THAP5: variants seen among roughly 807,000 people sequenced by gnomAD.
THAP5 encodes THAP domain-containing protein 5.
In THAP5, 26 loss-of-function variants were observed where a neutral mutation model predicts 34.0. The ratio of observed to expected loss-of-function variants is 0.77; its 90% CI spans 0.56 to 1.06. The LOEUF (loss-of-function observed/expected upper bound fraction) is 1.06, where lower values mean the gene tolerates loss of function less well. Ranked by LOEUF, THAP5 falls within the 50% of genes least tolerant of loss-of-function variation. THAP5 has a pLI of 0.00. For synonymous variants in THAP5, 125 were observed against 153.0 expected (o/e 0.82, Z 1.35); for missense variants, 394 against 452.8 (o/e 0.87, Z 1.18).
In THAP5 at chr7:108,565,097, G is replaced by A; in HGVS notation, c.282C>T (p.Asp94=). 6.7e-7 allele frequency: 1 copy of A among 1,502,818 alleles called. No homozygotes were observed. The allele number at this position is 1,502,818 out of a possible 1,614,324, so 93.1% of individuals were successfully genotyped here. Reference sequence around the variant, plus strand: ...TCTTCTGGGATTTTTTTTTAGAAGGGTCTTTTCCCTAGAAAATAATATTTT... The same window carrying A: ...TCTTCTGGGATTTTTTTTTAGAAGGATCTTTTCCCTAGAAAATAATATTTT... ...FSLPEDNQGK[D]PSKKKSQKKN... Residue 94 remains aspartate, a synonymous_variant, in exon 3 of 3, where the codon GAC becomes GAT. Transcript: ENST00000415914.
At position 108,565,099 on chromosome 7, in the gene THAP5, C is replaced by T; in HGVS notation, c.280G>A (p.Asp94Asn). 1 of 1,501,864 alleles carries T rather than the reference C, an allele frequency of 6.7e-7. No homozygotes were observed. The allele number at this position is 1,501,864 out of a possible 1,614,324, so 93.0% of individuals were successfully genotyped here. A position where few individuals can be genotyped will look rare whatever the true frequency, so the allele number is the denominator to read the frequency against. ...FSLPEDNQGK[D>N]PSKKKSQKKN... ...TTCTGGGATTTTTTTTTAGAAGGGT[C>T]TTTTCCCTAGAAAATAATATTTTCA... Residue 94 changes from aspartate (D) to asparagine (N), a missense_variant, in exon 3 of 3, where the codon GAC becomes AAC. Transcript: ENST00000415914.
chr7:108,558,772 T>C, downstream of THAP5, among the ~76,000 whole-genome samples: 1 of 152,300 alleles, frequency 6.6e-6, no homozygotes, highest in East Asian at 1.9e-4. Context: ...TATCTAAATG[T>C]GTGTTCATTG....
the THAP5 span, among the ~76,000 whole-genome samples, chr7:108,549,089 TACACACACACACACAC>T: frequency 3.7e-5 from 5 of 136,542 alleles, no homozygotes; most frequent in South Asian, 7.3e-4. Context: ...ACATGCTTAA[TACACACACACACACAC>T]ACACACACAC....
Position 108,569,621 on chromosome 7 carries a change from C to T in THAP5, c.-52G>A, listed in dbSNP as rs1270751335. 3.2e-6 allele frequency: 5 copies of T among 1,545,366 alleles called. No individual in the cohort carries two copies. The African/African-American group carries it at 4.1e-5, about 13-fold the overall frequency. ...GGGCCGGCGACGGATGCAGGGCGGCCCTCCTCACTGAGGATGCGCCACAGG... is the reference window on the plus strand; with the variant it reads ...GGGCCGGCGACGGATGCAGGGCGGCTCTCCTCACTGAGGATGCGCCACAGG... On this transcript the variant is annotated 5_prime_UTR_variant, in exon 1 of 3. Coordinates refer to ENST00000415914, the MANE Select transcript of THAP5 (RefSeq NM_001130475.3).
upstream of THAP5, chr7:108,569,749 C>G: frequency 1.3e-6 from 1 of 785,082 alleles, no homozygotes; most frequent in South Asian, 1.8e-5. Flanking sequence ...ACCGCCTTTT[C>G]GGGGGTTGAA....
the THAP5 span, among the ~76,000 whole-genome samples, chr7:108,548,958 C>T: frequency 1.3e-5 from 2 of 152,032 alleles, no homozygotes; most frequent in Admixed American, 6.6e-5. Context: ...GTTCTACAAG[C>T]CTTATTGCAA....
the THAP5 span, among the ~76,000 whole-genome samples, chr7:108,549,048 CT>C: frequency 6.6e-6 from 1 of 150,800 alleles, no homozygotes; most frequent in African/African-American, 2.4e-5. Flanking sequence ...ATTGCAGATT[CT>C]TTGTGTATTT....
At chr7:108,549,362 C>T in the THAP5 span, among the ~76,000 whole-genome samples, 17 of 152,244 alleles carry the variant, frequency 1.1e-4, no homozygotes, top group Admixed American at 3.9e-4. Flanking sequence ...CCTCATGATC[C>T]GCCCGCCTCG....
At position 108,565,924 on chromosome 7, in the gene THAP5, T is replaced by C; in HGVS notation, c.179A>G (p.His60Arg). 1 of 1,550,896 alleles carries C rather than the reference T, an allele frequency of 6.4e-7. No homozygotes were observed. The highest frequency in any genetic ancestry group is 8.7e-7 in the Non-Finnish European group (1 of 1,146,884). ...PSKYQFLCSD[H>R]FTPDSLDIRW... ...GATGTCAAGAGAGTCAGGAGTAAAA[T>C]GGTCACTACATAGAAACTGGTATTT... Residue 60 changes from histidine (H) to arginine (R), a missense_variant, in exon 2 of 3, where the codon CAT (histidine) becomes CGT (arginine). Physicochemically the swap from His to Arg is conservative, Grantham distance 29 (BLOSUM62 0). Transcript: ENST00000415914.
chr7:108,556,304 T>C (rs1432490008), intron 1 of THAP5, among the ~76,000 whole-genome samples: 1 of 152,176 alleles, frequency 6.6e-6, no homozygotes, highest in Admixed American at 6.5e-5. Flanking sequence ...CCCTAAGTCG[T>C]AACTCATTCC....
chr7:108,542,626 C>G, the THAP5 span, among the ~76,000 whole-genome samples: 1 of 152,134 alleles, frequency 6.6e-6, no homozygotes, highest in Admixed American at 6.5e-5. Context: ...CCACGCCCAG[C>G]TAATTTTTGT....
downstream of THAP5, among the ~76,000 whole-genome samples, chr7:108,551,368 T>C (rs1434905130): frequency 4.6e-5 from 7 of 152,204 alleles, no homozygotes; most frequent in South Asian, 1.4e-3. Flanking sequence ...CTTGCAAGAA[T>C]GTGTTCCCTC....
intron 2 of THAP5, 147 bp from the exon 3 acceptor site, chr7:108,565,252 A>G: frequency 1.7e-6 from 1 of 575,134 alleles, no homozygotes; most frequent in Non-Finnish European, 2.9e-6. Context: ...ACCTTAAAGT[A>G]TTTTCTAAAA....
chr7:108,543,170 G>T, the THAP5 span, among the ~76,000 whole-genome samples: 4 of 150,940 alleles, frequency 2.7e-5, no homozygotes, highest in Non-Finnish European at 5.9e-5. Context: ...CTCATGATCC[G>T]CCCGCCTCAG....
Position 108,569,562 on chromosome 7 carries a change from CG to C in THAP5, c.7del (p.Arg3AlafsTer21). 1.3e-6 allele frequency: 2 copies of C among 1,551,588 alleles called. No homozygotes were observed. Among genetic ancestry groups the C allele is most frequent in the Non-Finnish European group, 1.7e-6 (2 of 1,147,010 alleles). On this transcript the variant is annotated frameshift_variant, in exon 1 of 3. Transcript: ENST00000415914. LOFTEE classifies it high-confidence loss of function. ...CTTACAACAAATCGCTGCGCAATAG[CG>C]GGGCATGACTCGGGTGAGGCCCCTG... Reference protein sequence around the residue: MPRYCAAICCKNR... With the variant: MPXYCAAICCKNR...
At chr7:108,557,531 C>G (rs1864395345), downstream of THAP5, among the ~76,000 whole-genome samples, 2 of 152,230 alleles carry the variant, frequency 1.3e-5, no homozygotes, top group South Asian at 4.1e-4. Context: ...AGCAGGGGCA[C>G]AATGCCACCA....
the THAP5 span, among the ~76,000 whole-genome samples, chr7:108,545,033 A>C: frequency 1.3e-5 from 2 of 152,144 alleles, no homozygotes; most frequent in African/African-American, 4.8e-5. Context: ...TAGTAGAGAT[A>C]TTTTCAGAAA....
chr7:108,567,962 T>TA (rs1382849892), intron 1 of THAP5, among the ~76,000 whole-genome samples: 2 of 152,256 alleles, frequency 1.3e-5, no homozygotes, highest in Non-Finnish European at 2.9e-5. Flanking sequence ...TGTGGGGTTA[T>TA]ACCCCATCTC....
chr7:108,565,440 C>T (rs1467843176), intron 2 of THAP5: 15 of 183,652 alleles, frequency 8.2e-5, no homozygotes, highest in Non-Finnish European at 4.5e-5. Context: ...TGGTGGCAGG[C>T]GCCTGTAATC....
Sources: gnomAD v4.1 joint callset for allele counts (sites outside exome capture counted in the v4.1 genomes callset) on GRCh38, gnomAD v4.1.1 for gene constraint, MANE v1.5 for transcripts, NCBI Gene and HGNC (gene_info 2026-07-23, HGNC 2026-07-21) for gene names.